The following DDX52 variants were observed in gnomAD, a reference collection of about 807,000 sequenced individuals.
DDX52 encodes the protein DExD-box helicase 52, also known as probable ATP-dependent RNA helicase DDX52.
In DDX52, 59 loss-of-function variants were observed where a neutral mutation model predicts 76.1. That is an observed-to-expected ratio of 0.78 (90% CI 0.63 to 0.96). DDX52 has a LOEUF of 0.96. Among genes scored for constraint, DDX52 ranks in the 40% least tolerant of loss-of-function variants. The probability of loss-of-function intolerance (pLI) is 0.00; values close to 1 mark genes in which losing one functional copy is unlikely to be tolerated. For missense variants in DDX52, 707 were observed against 703.9 expected (o/e 1.00, Z -0.05); for synonymous variants, 231 against 244.1 (o/e 0.95, Z 0.50).
rs745323019 is a variant in DDX52 at position 37,633,375 on chromosome 17, T to G, written c.330A>C (p.Ser110=). ...QEEGATIQWM[S]SVEAKIEDKK... is the part of the protein sequence containing the mutation. ...TGTCTTCAATCTTTGCTTCTACAGA[T>G]GACATCCACTGTATAGTAGCACCTT... is the stretch of plus-strand genomic sequence containing the variant. The change falls in exon 3 of 15, where the codon TCA becomes TCC. Residue 110 remains serine, a synonymous_variant. Coordinates refer to ENST00000617633, the MANE Select transcript of DDX52 (RefSeq NM_007010.5). 3 of 1,610,584 alleles carry G rather than the reference T, an allele frequency of 1.9e-6. No individual in the cohort carries two copies. The highest frequency in any genetic ancestry group is 2.7e-5 in the African/African-American group (2 of 74,784).
At chr17:37,624,545 A>C (rs1407425820) in intron 8 of DDX52, 111 bp from the exon 9 acceptor site, 2 of 675,374 alleles carry the variant, frequency 3.0e-6, no homozygotes, top group Non-Finnish European at 4.7e-6. Flanking sequence ...CAATTTTTCC[A>C]CTGTCAATAT....
chr17:37,628,704 C>A, intron 5 of DDX52, 32 bp from the exon 6 acceptor site: 1 of 1,482,800 alleles, frequency 6.7e-7, no homozygotes, highest in South Asian at 1.2e-5. Context: ...ACATTAGCTG[C>A]TAACATACTT....
intron 2 of DDX52, among the ~76,000 whole-genome samples, chr17:37,637,627 T>G (rs2030993869): frequency 6.6e-6 from 1 of 151,506 alleles, no homozygotes; most frequent in African/African-American, 2.4e-5. Context: ...CAGGCTGGAG[T>G]GCAATGGCGT....
At chr17:37,618,975 CAG>C (rs1243433291) in intron 13 of DDX52, among the ~76,000 whole-genome samples, 2 of 152,222 alleles carry the variant, frequency 1.3e-5, no homozygotes, top group East Asian at 1.9e-4. Flanking sequence ...CAACAAGCAT[CAG>C]AGTTTGATTT....
Position 37,630,188 on chromosome 17 carries a change from T to C in DDX52, c.604-15A>G, listed in dbSNP as rs1406115508. On this transcript the variant is annotated splice_polypyrimidine_tract_variant and intron_variant, in intron 4 of 14. Coordinates refer to ENST00000617633, the MANE Select transcript of DDX52 (RefSeq NM_007010.5). ...AGTTCCCGACCCTAAAAACATAGGGTATATTAAATACTACAAAGAAAGTAC... is the reference window on the plus strand; with the variant it reads ...AGTTCCCGACCCTAAAAACATAGGGCATATTAAATACTACAAAGAAAGTAC... The C allele has an allele frequency of 2.5e-6, 4 of 1,587,062 alleles. No homozygotes were observed. Among genetic ancestry groups the C allele is most frequent in the Non-Finnish European group, 3.4e-6 (4 of 1,171,064 alleles).
chr17:37,625,894 C>T lies in DDX52; in HGVS notation c.1136+1G>A, dbSNP rs1292130091. ...GATAATGTTGAGAAACAATTAAATA[C>T]CTTGCTCCAATGGACACACTGATGA... On this transcript the variant is annotated splice_donor_variant, in intron 8 of 14. Transcript: ENST00000617633. LOFTEE classifies it high-confidence loss of function. The T allele has an allele frequency of 6.2e-7, 1 of 1,613,832 alleles. No individual in the cohort carries two copies. The highest frequency in any genetic ancestry group is 8.5e-7 in the Non-Finnish European group (1 of 1,179,864).
intron 9 of DDX52, among the ~76,000 whole-genome samples, chr17:37,622,649 G>A (rs972129097): frequency 6.6e-6 from 1 of 152,080 alleles, no homozygotes; most frequent in Non-Finnish European, 1.5e-5. Context: ...TCTAATGAAA[G>A]CTAAGAAACT....
chr17:37,621,433 C>T lies in DDX52; in HGVS notation c.1315G>A (p.Val439Met). The stretch of plus-strand genomic sequence containing the variant: ...GTTCTCTCTGCATGAATAACATCCA[C>T]ATTAATACCTTCATATATGAGCTCA... ...FHELIYEGINVDVIHAERTQQ... is the reference protein window; with the variant it reads ...FHELIYEGINMDVIHAERTQQ... Residue 439 changes from valine to methionine, a missense_variant, in exon 10 of 15, where the codon GTG (valine) becomes ATG (methionine). Val to Met is a conservative substitution (Grantham distance 21, BLOSUM62 1). Coordinates refer to ENST00000617633, the MANE Select transcript of DDX52 (RefSeq NM_007010.5). 1 of 1,613,694 alleles carries T rather than the reference C, an allele frequency of 6.2e-7. No individual in the cohort carries two copies. Among genetic ancestry groups the T allele is most frequent in the Non-Finnish European group, 8.5e-7 (1 of 1,179,898 alleles).
rs557371365 is a variant in DDX52, at chr17:37,627,107, G to T, written c.860-247C>A. 7.3e-4 allele frequency among the ~76,000 whole-genome samples: 111 copies of T among 152,314 alleles called. 2 individuals are homozygous for T. The highest frequency in any genetic ancestry group is 2.6e-3 in the African/African-American group (106 of 41,560). On this transcript the variant is annotated intron_variant, in intron 6 of 14. Coordinates refer to ENST00000617633, the MANE Select transcript of DDX52 (RefSeq NM_007010.5). ...AATGTGTGATCATAGCTCACTGCAT[G>T]CAACTTCAAACTCTTGGGCTCAAGA...
chr17:37,642,577 A>C, intron 1 of DDX52: 1 of 437,670 alleles, frequency 2.3e-6, no homozygotes, highest in South Asian at 3.4e-5. Flanking sequence ...TCACATTTAC[A>C]ACTCTATAAG....
intron 6 of DDX52, 107 bp from the exon 7 acceptor site, chr17:37,626,967 C>A: frequency 1.2e-6 from 1 of 809,592 alleles, no homozygotes; most frequent in South Asian, 1.6e-5. Flanking sequence ...GGGAAGTAGT[C>A]ATAGCCAACA....
chr17:37,611,956 C>CAAAAAAAAAAAAAA lies in DDX52; in HGVS notation c.*2326_*2339dup. On this transcript the variant is annotated 3_prime_UTR_variant, in exon 15 of 15. Coordinates refer to ENST00000617633, the MANE Select transcript of DDX52 (RefSeq NM_007010.5). The stretch of plus-strand genomic sequence containing the variant: ...AAATTAGGTAACAGACCCTGTTTCT[C>CAAAAAAAAAAAAAA]AAAAAAAAAAAAAAAAACAAAACAA... 1 of 64,644 alleles carries CAAAAAAAAAAAAAA rather than the reference C, an allele frequency of 1.5e-5. No individual in the cohort carries two copies. The highest frequency in any genetic ancestry group is 3.5e-5 in the Non-Finnish European group (1 of 28,180). 4.0% of individuals were successfully genotyped at this position (64,644 alleles called of 1,614,324 possible).
chr17:37,617,655 G>C (rs186903703), intron 14 of DDX52, among the ~76,000 whole-genome samples: 8 of 152,316 alleles, frequency 5.3e-5, no homozygotes, highest in African/African-American at 1.4e-4. Flanking sequence ...CTTCAAAGAA[G>C]ACTAGATCCA....
At chr17:37,626,564 A>T (rs768359637) in intron 7 of DDX52, among the ~76,000 whole-genome samples, 3 of 152,230 alleles carry the variant, frequency 2.0e-5, no homozygotes, top group Non-Finnish European at 4.4e-5. Flanking sequence ...AAAAGGTAAA[A>T]GGAAGATAAA....
At chr17:37,634,342 CAATG>C (rs779222645) in intron 2 of DDX52, among the ~76,000 whole-genome samples, 2 of 151,858 alleles carry the variant, frequency 1.3e-5, no homozygotes, top group Non-Finnish European at 2.9e-5. Flanking sequence ...CTTAAAATAG[CAATG>C]AACGGCCAGG....
intron 6 of DDX52, among the ~76,000 whole-genome samples, chr17:37,627,693 T>C (rs1163595676): frequency 1.4e-5 from 2 of 145,206 alleles, no homozygotes; most frequent in Non-Finnish European, 3.0e-5. Flanking sequence ...AAGTGGACAA[T>C]GTCAAAAAAC....
Position 37,611,426 on chromosome 17 carries a change from AAAG to A in DDX52, c.*2867_*2869del, listed in dbSNP as rs2064362406. The A allele has an allele frequency of 6.6e-6, 1 of 152,212 alleles. No individual in the cohort carries two copies. The allele number at this position is 152,212 out of a possible 1,614,324, so 9.4% of individuals were successfully genotyped here. On this transcript the variant is annotated 3_prime_UTR_variant, in exon 15 of 15. Coordinates refer to ENST00000617633, the MANE Select transcript of DDX52 (RefSeq NM_007010.5). ...TTCTAGAATAAGGATATAAAGAAATAAAGTATTTTTCTACAGCTGTACATTTGC... is the reference window on the plus strand; with the variant it reads ...TTCTAGAATAAGGATATAAAGAAATATATTTTTCTACAGCTGTACATTTGC...
At chr17:37,635,610 G>A (rs1568609121) in intron 2 of DDX52, 1 of 455,892 alleles carries the variant, frequency 2.2e-6, no homozygotes, top group Non-Finnish European at 4.4e-6. Flanking sequence ...TTCACCTGAT[G>A]AGGGACATTT....
At chr17:37,627,405 AT>A (rs1217845651) in intron 6 of DDX52, among the ~76,000 whole-genome samples, 5 of 149,766 alleles carry the variant, frequency 3.3e-5, no homozygotes, top group Admixed American at 6.7e-5. Context: ...GAGATGGTAA[AT>A]TTTTTTTTTA....
Sources: gnomAD v4.1 joint callset for allele counts (sites outside exome capture counted in the v4.1 genomes callset) on GRCh38, gnomAD v4.1.1 for gene constraint, MANE v1.5 for transcripts, NCBI Gene and HGNC (gene_info 2026-07-23, HGNC 2026-07-21) for gene names.